CCDC38: variants seen among roughly 807,000 people sequenced by gnomAD.
CCDC38 encodes the protein coiled-coil domain-containing protein 38.
In CCDC38, 69 loss-of-function variants were observed where a neutral mutation model predicts 72.8. The observed-to-expected ratio is 0.95, with a 90% confidence interval of 0.78 to 1.16. CCDC38 has a LOEUF of 1.16. CCDC38 is among the 50% of genes most tolerant of loss of function. The pLI is 0.00. For synonymous variants in CCDC38, 201 were observed against 213.2 expected (o/e 0.94, Z 0.50); for missense variants, 626 against 638.9 (o/e 0.98, Z 0.22).
At chr12:95,928,272 G>A (rs1055040879) in intron 2 of CCDC38, among the ~76,000 whole-genome samples, 27 of 151,868 alleles carry the variant, frequency 1.8e-4, no homozygotes, top group African/African-American at 3.6e-4. Context: ...CTCCCTTCTC[G>A]CTTCATTTCA....
chr12:95,910,330 CACAA>C (rs2080078173), intron 4 of CCDC38, among the ~76,000 whole-genome samples: 2 of 145,408 alleles, frequency 1.4e-5, no homozygotes, highest in Non-Finnish European at 1.5e-5. Context: ...CACACACACA[CACAA>C]AATACCTATG....
intron 2 of CCDC38, among the ~76,000 whole-genome samples, chr12:95,928,752 C>G (rs1158621769): frequency 6.6e-6 from 1 of 152,176 alleles, no homozygotes; most frequent in African/African-American, 2.4e-5. Flanking sequence ...AGTTTTCCTT[C>G]TAACAGACAG....
chr12:95,880,593 C>G (rs1037374506), intron 11 of CCDC38, among the ~76,000 whole-genome samples: 3 of 150,552 alleles, frequency 2.0e-5, no homozygotes, highest in Non-Finnish European at 4.4e-5. Context: ...GCGGAGGTTT[C>G]AGTGAGCTGA....
At chr12:95,870,251 T>C (rs989313176) in intron 14 of CCDC38, among the ~76,000 whole-genome samples, 1 of 152,196 alleles carries the variant, frequency 6.6e-6, no homozygotes, top group Non-Finnish European at 1.5e-5. Context: ...TTCCAGTTAA[T>C]CTTTTTGAAT....
intron 2 of CCDC38, among the ~76,000 whole-genome samples, chr12:95,927,685 C>T (rs901884198): frequency 6.6e-5 from 10 of 152,132 alleles, no homozygotes; most frequent in African/African-American, 2.4e-4. Flanking sequence ...ATTGGTTGTT[C>T]CTTTCCATGT....
chr12:95,884,638 C>A (rs1287876349), intron 10 of CCDC38, among the ~76,000 whole-genome samples: 1 of 152,252 alleles, frequency 6.6e-6, no homozygotes, highest in African/African-American at 2.4e-5. Context: ...CATGTTCTCT[C>A]TGAGAGCTCC....
In CCDC38 at chr12:95,872,462, T is replaced by C. The variant is rs1380404626; in HGVS notation, c.1279-2A>G. ...ACTAAGTGAGTCTATCAGTATTTCCTGAGATTGAGAAGAGCAGAAAACATT... is the reference window on the plus strand; with the variant it reads ...ACTAAGTGAGTCTATCAGTATTTCCCGAGATTGAGAAGAGCAGAAAACATT... On this transcript the variant is annotated splice_acceptor_variant, in intron 13 of 15. Transcript: ENST00000344280. LOFTEE classifies it high-confidence loss of function. 22 of 1,600,604 alleles carry C rather than the reference T, an allele frequency of 1.4e-5. No homozygotes were observed. The highest frequency in any genetic ancestry group is 1.8e-5 in the Non-Finnish European group (21 of 1,167,828).
chr12:95,921,390 G>T (rs75341400), intron 2 of CCDC38, among the ~76,000 whole-genome samples: 18,603 of 152,104 alleles, frequency 0.12, 1,287 homozygotes, highest in African/African-American at 0.19. Context: ...AAGGAAAGAG[G>T]TTTAATTGAC....
At chr12:95,867,745 A>G (rs1168320041) in intron 15 of CCDC38, among the ~76,000 whole-genome samples, 4 of 152,164 alleles carry the variant, frequency 2.6e-5, no homozygotes, top group Non-Finnish European at 5.9e-5. Context: ...ATACTCAAAT[A>G]TATTACTACT....
intron 5 of CCDC38, among the ~76,000 whole-genome samples, chr12:95,901,078 A>G (rs949644889): frequency 1.3e-5 from 2 of 152,220 alleles, no homozygotes; most frequent in Non-Finnish European, 2.9e-5. Flanking sequence ...CAGGTTTAGA[A>G]GTTATAACCC....
In CCDC38 at chr12:95,872,286, C is replaced by A; in HGVS notation, c.1453G>T (p.Glu485Ter). Reference protein sequence around the residue: ...SIPKENVEAIERMKQKEWRQK... With the variant: ...SIPKENVEAI ...CGCCATTCTTTCTGTTTCATCCTCT[C>A]AATTGCCTCCACATTTTCTTTGGGA... Residue 485 changes from glutamate (E) to a stop codon, truncating the protein, a stop_gained, in exon 14 of 16, where the codon GAG becomes TAG. Coordinates refer to ENST00000344280, the MANE Select transcript of CCDC38 (RefSeq NM_182496.3). LOFTEE classifies it high-confidence loss of function. The A allele has an allele frequency of 6.2e-7, 1 of 1,614,218 alleles. No homozygotes were observed. The highest frequency in any genetic ancestry group is 8.5e-7 in the Non-Finnish European group (1 of 1,180,044).
At chr12:95,940,870 GA>G (rs199581941) in intron 1 of CCDC38, among the ~76,000 whole-genome samples, 1 of 110,354 alleles carries the variant, frequency 9.1e-6, no homozygotes, top group Admixed American at 1.0e-4. Flanking sequence ...TTTGCGAAGT[GA>G]AAAAAAACAA....
rs368048454 is a variant in CCDC38, at chr12:95,895,092, A to G, written c.669T>C (p.Phe223=). ...AATGTTTTGGAGACATTTGCAGCAG[A>G]AAAAAACCATATTTCATATACTCCC... ...LLREYMKYGF[F]LLQMSPKHWQ... Residue 223 remains phenylalanine, a synonymous_variant, in exon 8 of 16, where the codon TTT becomes TTC. Transcript: ENST00000344280. 3 of 1,612,212 alleles carry G rather than the reference A, an allele frequency of 1.9e-6. No homozygotes were observed. Among genetic ancestry groups the G allele is most frequent in the Non-Finnish European group, 2.5e-6 (3 of 1,179,270 alleles).
chr12:95,920,965 C>T (rs750923967), intron 2 of CCDC38, among the ~76,000 whole-genome samples: 132 of 151,898 alleles, frequency 8.7e-4, no homozygotes, highest in African/African-American at 2.4e-3. Context: ...CCCATCTCTA[C>T]GAAGAATACA....
chr12:95,917,162 G>T lies in CCDC38; in HGVS notation c.271C>A (p.Pro91Thr). Reference sequence around the variant, plus strand: ...AATCTAGGAATCGGAGCAGGACCTGGCCCAAACTTTTCAAATGACCTACCA... The same window carrying T: ...AATCTAGGAATCGGAGCAGGACCTGTCCCAAACTTTTCAAATGACCTACCA... ...RSGRSFEKFG[P>T]GPAPIPRLIE... Residue 91 changes from proline (P) to threonine (T), a missense_variant, in exon 4 of 16, where the codon CCA becomes ACA. By Grantham distance (38) the Pro-to-Thr change is conservative. Transcript: ENST00000344280. The T allele has an allele frequency of 6.2e-7, 1 of 1,601,400 alleles. No individual in the cohort carries two copies. Among genetic ancestry groups the T allele is most frequent in the African/African-American group, 1.3e-5 (1 of 74,152 alleles).
intron 10 of CCDC38, 58 bp from the exon 11 acceptor site, chr12:95,881,612 G>C: frequency 7.3e-7 from 1 of 1,375,646 alleles, no homozygotes; most frequent in Non-Finnish European, 1.0e-6. Context: ...TCTGTCAACA[G>C]GTTTGCATTC....
intron 2 of CCDC38, among the ~76,000 whole-genome samples, chr12:95,927,484 CTT>C (rs1388095898): frequency 2.0e-5 from 3 of 151,074 alleles, no homozygotes; most frequent in Non-Finnish European, 4.4e-5. Flanking sequence ...GGTCTTGACT[CTT>C]TATCCAATTT....
At chr12:95,893,623 A>G (rs1345097842) in intron 8 of CCDC38, among the ~76,000 whole-genome samples, 3 of 151,998 alleles carry the variant, frequency 2.0e-5, no homozygotes, top group African/African-American at 7.2e-5. Context: ...AGTAGCTGGG[A>G]GGTGTGCATC....
chr12:95,929,244 C>T (rs541288877), intron 2 of CCDC38, among the ~76,000 whole-genome samples: 13 of 152,234 alleles, frequency 8.5e-5, no homozygotes, highest in East Asian at 3.9e-4. Flanking sequence ...TCTCCTGGTG[C>T]GCTGTTTTTT....
Sources: gnomAD v4.1 joint callset for allele counts (sites outside exome capture counted in the v4.1 genomes callset) on GRCh38, gnomAD v4.1.1 for gene constraint, MANE v1.5 for transcripts, NCBI Gene and HGNC (gene_info 2026-07-23, HGNC 2026-07-21) for gene names.